The following CHCHD6 variants were observed in gnomAD, a reference collection of about 807,000 sequenced individuals.
CHCHD6 encodes the protein coiled-coil-helix-coiled-coil-helix domain containing 6, also known as MICOS complex subunit MIC25.
CHCHD6 carries 28 observed loss-of-function variants against 32.3 expected under a neutral mutation model. That is an observed-to-expected ratio of 0.87 (90% CI 0.64 to 1.19). The LOEUF (loss-of-function observed/expected upper bound fraction) is 1.19, where lower values mean the gene tolerates loss of function less well. Ranked by LOEUF, CHCHD6 falls within the 50% of genes most tolerant of loss-of-function variation. The pLI, the probability that CHCHD6 is intolerant of heterozygous loss-of-function variation, is 0.00. For missense variants in CHCHD6, 333 were observed against 307.0 expected, an observed-to-expected ratio of 1.08 and a Z score of -0.63; for synonymous variants, 122 against 117.5, an observed-to-expected ratio of 1.04 and a Z score of -0.25.
intron 5 of CHCHD6, among the ~76,000 whole-genome samples, chr3:126,859,153 G>A (rs1487156692): frequency 6.6e-6 from 1 of 152,232 alleles, no homozygotes; most frequent in Non-Finnish European, 1.5e-5. Context: ...AAGGGAACGT[G>A]TGTGTATGCA....
intron 5 of CHCHD6, among the ~76,000 whole-genome samples, chr3:126,861,530 ACACCAC>A (rs997416660): frequency 1.3e-5 from 2 of 150,692 alleles, no homozygotes; most frequent in Non-Finnish European, 3.0e-5. Context: ...ACCACTACCA[ACACCAC>A]CACCACCAGC....
chr3:126,819,286 T>C (rs1475829209), intron 4 of CHCHD6, among the ~76,000 whole-genome samples: 3 of 152,174 alleles, frequency 2.0e-5, no homozygotes, highest in Non-Finnish European at 4.4e-5. Flanking sequence ...TCTGAGCCCA[T>C]CAATCCCAGA....
intron 1 of CHCHD6, among the ~76,000 whole-genome samples, chr3:126,726,427 AT>A (rs917302165): frequency 3.3e-5 from 5 of 152,224 alleles, no homozygotes; most frequent in African/African-American, 1.2e-4. Flanking sequence ...AGATATAACA[AT>A]GAAAAAGCTT....
intron 4 of CHCHD6, among the ~76,000 whole-genome samples, chr3:126,783,751 C>G (rs1317563648): frequency 1.3e-5 from 2 of 152,140 alleles, no homozygotes; most frequent in African/African-American, 2.4e-5. Flanking sequence ...CCTCAGAGGC[C>G]TTTTTGATCA....
chr3:126,862,380 C>T (rs1941948337), intron 5 of CHCHD6, among the ~76,000 whole-genome samples: 3 of 140,810 alleles, frequency 2.1e-5, no homozygotes, highest in South Asian at 4.9e-4. Context: ...CCACCATCAC[C>T]ACCTCCTCCT....
intron 4 of CHCHD6, among the ~76,000 whole-genome samples, chr3:126,836,891 A>C (rs1209562687): frequency 6.6e-6 from 1 of 152,186 alleles, no homozygotes; most frequent in African/African-American, 2.4e-5. Flanking sequence ...CGCCAGGAGC[A>C]AGTGCGGGGG....
intron 4 of CHCHD6, among the ~76,000 whole-genome samples, chr3:126,851,418 G>A (rs1941470427): frequency 1.3e-5 from 2 of 152,208 alleles, no homozygotes. Flanking sequence ...ATGAACTTAG[G>A]TTCACAGTCT....
At chr3:126,770,785 TTC>T (rs1937528882) in intron 4 of CHCHD6, among the ~76,000 whole-genome samples, 1 of 152,194 alleles carries the variant, frequency 6.6e-6, no homozygotes, top group African/African-American at 2.4e-5. Flanking sequence ...GGCTGAAGCT[TTC>T]TCTTTTTGTT....
intron 4 of CHCHD6, among the ~76,000 whole-genome samples, chr3:126,755,579 G>A (rs927159958): frequency 6.6e-6 from 1 of 152,104 alleles, no homozygotes; most frequent in Admixed American, 6.5e-5. Flanking sequence ...TTGGCAGCCC[G>A]ATTATTTAGG....
rs546654714 is a variant in CHCHD6 at position 126,951,306 on chromosome 3, T to C, written c.567-6110T>C. Among the ~76,000 whole-genome samples, 3 of 152,274 alleles carry C rather than the reference T, an allele frequency of 2.0e-5. No individual in the cohort carries two copies. In the South Asian group the frequency reaches 6.2e-4, roughly 32 times the overall value. ...CCTCTTTTCTTTATAAATTACCCAG[T>C]CTCAGGCAGTTATTTATAGGAGTGT... is the stretch of plus-strand genomic sequence containing the variant. On this transcript the variant is annotated intron_variant, in intron 6 of 7. Transcript: ENST00000290913.
intron 6 of CHCHD6, among the ~76,000 whole-genome samples, chr3:126,952,654 G>C (rs566345302): frequency 1.3e-5 from 2 of 152,210 alleles, no homozygotes; most frequent in Non-Finnish European, 2.9e-5. Flanking sequence ...AGGAGAAGCT[G>C]CTGTGGCCTG....
intron 5 of CHCHD6, among the ~76,000 whole-genome samples, chr3:126,913,922 G>T (rs1042731476): frequency 1.2e-4 from 19 of 152,206 alleles, no homozygotes; most frequent in African/African-American, 4.6e-4. Flanking sequence ...TGGCATCAGG[G>T]CTTAGACCCA....
At chr3:126,733,001 T>C (rs1935878198) in intron 3 of CHCHD6, 77 bp from the exon 4 acceptor site, 2 of 1,505,000 alleles carry the variant, frequency 1.3e-6, no homozygotes, top group Admixed American at 1.7e-5. Context: ...CTGAAGTGAG[T>C]GCGCAGATCT....
At chr3:126,780,002 G>C (rs1470666402) in intron 4 of CHCHD6, among the ~76,000 whole-genome samples, 1 of 152,118 alleles carries the variant, frequency 6.6e-6, no homozygotes, top group African/African-American at 2.4e-5. Flanking sequence ...TATTCCTTTT[G>C]GTCAGTTAAG....
chr3:126,855,107 C>G (rs976019868), intron 5 of CHCHD6, among the ~76,000 whole-genome samples: 3 of 152,152 alleles, frequency 2.0e-5, no homozygotes, highest in Non-Finnish European at 4.4e-5. Context: ...AGTAATTGTT[C>G]CTCACAGCCA....
intron 4 of CHCHD6, among the ~76,000 whole-genome samples, chr3:126,754,248 G>A (rs972967318): frequency 2.0e-5 from 3 of 152,192 alleles, no homozygotes; most frequent in Admixed American, 6.5e-5. Flanking sequence ...TTCCCCATCC[G>A]TAATACAGGG....
At chr3:126,869,012 C>A (rs779826291) in intron 5 of CHCHD6, among the ~76,000 whole-genome samples, 2 of 152,190 alleles carry the variant, frequency 1.3e-5, no homozygotes, top group Non-Finnish European at 2.9e-5. Context: ...TTCCTTTTCA[C>A]TTTTTAAGTT....
In CHCHD6 at chr3:126,775,302, G is replaced by A. The variant is rs143228812; in HGVS notation, c.411+42080G>A. ...TTGTTGATCTGACAGACAGAAATGT[G>A]TGTCAGTGGTATTAATTTTTGTTTC... is the stretch of plus-strand genomic sequence containing the variant. On this transcript the variant is annotated intron_variant, in intron 4 of 7. Transcript: ENST00000290913. Among the ~76,000 whole-genome samples the A allele has an allele frequency of 5.6e-4, 86 of 152,306 alleles. 1 individual carries two copies. The highest frequency in any genetic ancestry group is 2.0e-3 in the African/African-American group (84 of 41,570).
At chr3:126,763,698 C>T (rs1937247815) in intron 4 of CHCHD6, among the ~76,000 whole-genome samples, 1 of 152,054 alleles carries the variant, frequency 6.6e-6, no homozygotes, top group African/African-American at 2.4e-5. Context: ...ATGGGGATTA[C>T]AGTTAACATC....
Sources: gnomAD v4.1 joint callset for allele counts (sites outside exome capture counted in the v4.1 genomes callset) on GRCh38, gnomAD v4.1.1 for gene constraint, MANE v1.5 for transcripts, NCBI Gene and HGNC (gene_info 2026-07-23, HGNC 2026-07-21) for gene names.